DPP6: variants seen among roughly 807,000 people sequenced by gnomAD.
The protein encoded by DPP6 is dipeptidyl peptidase like 6, also known as A-type potassium channel modulatory protein DPP6.
DPP6 carries 69 observed loss-of-function variants against 122.6 expected under a neutral mutation model. The observed-to-expected ratio is 0.56, with a 90% CI of 0.46 to 0.69. The LOEUF (loss-of-function observed/expected upper bound fraction) is 0.69. DPP6 is among the 30% of genes least tolerant of loss of function. DPP6 has a pLI of 0.00. For synonymous variants in DPP6, 418 were observed against 433.1 expected, an observed-to-expected ratio of 0.97 and a Z score of 0.43; for missense variants, 928 against 1,116.9, an observed-to-expected ratio of 0.83 and a Z score of 2.41.
intron 3 of DPP6, among the ~76,000 whole-genome samples, chr7:154,526,290 A>G (rs1031665538): frequency 6.6e-6 from 1 of 152,200 alleles, no homozygotes; most frequent in African/African-American, 2.4e-5. Flanking sequence ...AGGTCTGCTC[A>G]CCACCTTTGG....
the DPP6 span, among the ~76,000 whole-genome samples, chr7:153,802,896 A>G: frequency 6.6e-6 from 1 of 152,012 alleles, no homozygotes; most frequent in Non-Finnish European, 1.5e-5. Context: ...TCCAGCTGAA[A>G]CACCCTCGCC....
intron 1 of DPP6, among the ~76,000 whole-genome samples, chr7:153,920,649 C>T (rs912585241): frequency 6.9e-6 from 1 of 145,578 alleles, no homozygotes; most frequent in Non-Finnish European, 1.5e-5. Context: ...CAACCTCCGC[C>T]TCCTGGGTTC....
chr7:154,209,641 A>G (rs1265840585), intron 1 of DPP6, among the ~76,000 whole-genome samples: 1 of 152,154 alleles, frequency 6.6e-6, no homozygotes, highest in Non-Finnish European at 1.5e-5. Flanking sequence ...TAATCTCTTA[A>G]GTGTAAAGAA....
At chr7:153,822,181 CTTTTTTTT>C in the DPP6 span, among the ~76,000 whole-genome samples, 119 of 61,870 alleles carry the variant, frequency 1.9e-3, 1 homozygote, top group South Asian at 5.5e-3. Flanking sequence ...GGGGGGGAAT[CTTTTTTTT>C]TTTTTTTTTT....
intron 1 of DPP6, among the ~76,000 whole-genome samples, chr7:153,962,219 G>A (rs1303796288): frequency 6.6e-6 from 1 of 152,062 alleles, no homozygotes; most frequent in African/African-American, 2.4e-5. Context: ...GGTGCCAGGA[G>A]ATAATAGTTT....
chr7:154,043,072 T>C (rs1277986629), intron 1 of DPP6, among the ~76,000 whole-genome samples: 4 of 152,034 alleles, frequency 2.6e-5, no homozygotes, highest in Non-Finnish European at 4.4e-5. Flanking sequence ...CTTAATAAAA[T>C]GTAGATATAA....
At chr7:153,833,443 G>A in the DPP6 span, among the ~76,000 whole-genome samples, 4 of 152,128 alleles carry the variant, frequency 2.6e-5, no homozygotes, top group Non-Finnish European at 4.4e-5. Flanking sequence ...GGAGGCTGAG[G>A]CGGGCGGATC....
At chr7:154,070,549 A>G (rs892315188) in intron 1 of DPP6, among the ~76,000 whole-genome samples, 7 of 152,196 alleles carry the variant, frequency 4.6e-5, no homozygotes, top group African/African-American at 1.4e-4. Flanking sequence ...CAAATTTTCC[A>G]TCAGCTTCTA....
the DPP6 span, among the ~76,000 whole-genome samples, chr7:153,867,033 C>T: frequency 6.9e-4 from 105 of 152,248 alleles, no homozygotes; most frequent in African/African-American, 1.7e-3. Flanking sequence ...ACCAGTACCA[C>T]GCTGTTTTTG....
At chr7:154,235,572 A>G (rs924475808) in intron 1 of DPP6, among the ~76,000 whole-genome samples, 3 of 148,460 alleles carry the variant, frequency 2.0e-5, no homozygotes, top group Non-Finnish European at 4.4e-5. Flanking sequence ...GTTCCTTTCT[A>G]TTGTCAAATA....
chr7:154,355,104 C>G lies in DPP6; in HGVS notation c.244-91110C>G, dbSNP rs537102130. Among the ~76,000 whole-genome samples the G allele has an allele frequency of 2.0e-5, 3 of 152,332 alleles. No individual in the cohort carries two copies. The South Asian group carries it at 6.2e-4, about 32-fold the overall frequency. On this transcript the variant is annotated intron_variant, in intron 1 of 25. Transcript: ENST00000377770. ...ATTTTGATTTCCATTTCTTAGGTGA[C>G]TTGAGCACCTTTTTAGATGCTATTG...
chr7:153,955,863 C>T (rs1044456931), intron 1 of DPP6, among the ~76,000 whole-genome samples: 10 of 152,238 alleles, frequency 6.6e-5, no homozygotes, highest in African/African-American at 2.4e-4. Context: ...AGTCTACACT[C>T]TTAACCCATG....
At chr7:154,079,815 G>A (rs1041296694) in intron 1 of DPP6, among the ~76,000 whole-genome samples, 1 of 151,830 alleles carries the variant, frequency 6.6e-6, no homozygotes, top group African/African-American at 2.4e-5. Context: ...ACCTATTCTT[G>A]CCCCGCTCTG....
At chr7:154,202,098 C>G (rs10224331) in intron 1 of DPP6, among the ~76,000 whole-genome samples, 128,038 of 152,130 alleles carry the variant, frequency 0.84, 53,966 homozygotes, top group Non-Finnish European at 0.85. Context: ...ATAAGTAAAT[C>G]GTGTGATGGA....
chr7:154,438,036 G>A (rs1198426066), intron 1 of DPP6, among the ~76,000 whole-genome samples: 1 of 152,226 alleles, frequency 6.6e-6, no homozygotes, highest in Non-Finnish European at 1.5e-5. Flanking sequence ...GCTAGAATAT[G>A]CCGCAGACAC....
At chr7:153,890,480 C>T (rs949546642) in intron 1 of DPP6, among the ~76,000 whole-genome samples, 3 of 152,284 alleles carry the variant, frequency 2.0e-5, no homozygotes, top group African/African-American at 2.4e-5. Context: ...CCGGCTGGTC[C>T]TTGCCATGCC....
intron 4 of DPP6, among the ~76,000 whole-genome samples, chr7:154,552,342 A>C (rs561895782): frequency 6.6e-6 from 1 of 152,178 alleles, no homozygotes; most frequent in Non-Finnish European, 1.5e-5. Context: ...CTAAAATTCA[A>C]ACAAAAACCC....
chr7:153,965,842 A>G (rs1357410996), intron 1 of DPP6, among the ~76,000 whole-genome samples: 1 of 151,708 alleles, frequency 6.6e-6, no homozygotes, highest in Non-Finnish European at 1.5e-5. Context: ...CAGAACCTGT[A>G]GCTGCTCTGT....
intron 1 of DPP6, among the ~76,000 whole-genome samples, chr7:154,441,929 G>A (rs561045939): frequency 8.5e-5 from 13 of 152,314 alleles, no homozygotes; most frequent in South Asian, 2.1e-4. Flanking sequence ...GTTTTAGTTC[G>A]TTGTTTGTTT....
Sources: allele counts gnomAD v4.1 joint callset (sites outside exome capture counted in the v4.1 genomes callset), GRCh38; gene constraint gnomAD v4.1.1; transcripts MANE v1.5; gene names NCBI Gene and HGNC (gene_info 2026-07-23, HGNC 2026-07-21).